SCHIP1: variants seen among roughly 807,000 people sequenced by gnomAD.
SCHIP1 encodes schwannomin-interacting protein 1.
SCHIP1 carries 8 observed loss-of-function variants against 29.7 expected under a neutral mutation model. The ratio of observed to expected loss-of-function variants is 0.27; its 90% confidence interval spans 0.16 to 0.49. The LOEUF (loss-of-function observed/expected upper bound fraction) is 0.49. Among genes scored for constraint, SCHIP1 ranks in the 20% least tolerant of loss-of-function variants. The probability of loss-of-function intolerance (pLI) is 0.99; values close to 1 mark genes in which losing one functional copy is unlikely to be tolerated. For missense variants in SCHIP1, 193 were observed against 294.6 expected, an observed-to-expected ratio of 0.66 and a Z score of 2.52; for synonymous variants, 76 against 94.9, an observed-to-expected ratio of 0.80 and a Z score of 1.16.
chr3:159,325,167 C>A, the SCHIP1 span, among the ~76,000 whole-genome samples: 1 of 152,082 alleles, frequency 6.6e-6, no homozygotes. Flanking sequence ...TTATCCGAGA[C>A]CTTATCCTCA....
the SCHIP1 span, among the ~76,000 whole-genome samples, chr3:159,655,934 G>A: frequency 6.6e-6 from 1 of 152,144 alleles, no homozygotes; most frequent in East Asian, 1.9e-4. Context: ...CATTAGAGTG[G>A]GTGCTTTGAC....
At chr3:159,615,674 G>T in the SCHIP1 span, among the ~76,000 whole-genome samples, 3 of 152,166 alleles carry the variant, frequency 2.0e-5, no homozygotes, top group Admixed American at 6.5e-5. Flanking sequence ...TGGTGTGGGG[G>T]TGAAGAGGAA....
At chr3:159,343,892 G>T in the SCHIP1 span, among the ~76,000 whole-genome samples, 1 of 152,044 alleles carries the variant, frequency 6.6e-6, no homozygotes, top group Non-Finnish European at 1.5e-5. Flanking sequence ...TAGTGTTTCT[G>T]TTTTTATGGA....
At chr3:159,538,622 T>C in the SCHIP1 span, among the ~76,000 whole-genome samples, 2 of 152,080 alleles carry the variant, frequency 1.3e-5, no homozygotes, top group Non-Finnish European at 2.9e-5. Context: ...CATAAAAAGA[T>C]AAAAGGAGCA....
chr3:159,619,027 A>G, the SCHIP1 span, among the ~76,000 whole-genome samples: 1 of 152,216 alleles, frequency 6.6e-6, no homozygotes, highest in African/African-American at 2.4e-5. Flanking sequence ...TTCCAATAAA[A>G]TATGTATGTA....
At chr3:159,764,970 G>A in the SCHIP1 span, 3 of 1,490,914 alleles carry the variant, frequency 2.0e-6, no homozygotes, top group African/African-American at 2.9e-5. This position sits in a 1 kb window ranked among gnomAD's most constrained non-coding sequence, Gnocchi z 6.1. Flanking sequence ...GCCGCGGCCC[G>A]GCGGCTGGGG....
At chr3:159,405,800 T>C in the SCHIP1 span, among the ~76,000 whole-genome samples, 1 of 151,452 alleles carries the variant, frequency 6.6e-6, no homozygotes, top group Non-Finnish European at 1.5e-5. Flanking sequence ...GGAGAATCAC[T>C]TGAACCCAGT....
At chr3:159,667,631 T>C in the SCHIP1 span, among the ~76,000 whole-genome samples, 3 of 151,878 alleles carry the variant, frequency 2.0e-5, no homozygotes, top group African/African-American at 7.3e-5. Flanking sequence ...AAGGAAAGAG[T>C]GTTTGGAACA....
chr3:159,425,383 G>T, the SCHIP1 span, among the ~76,000 whole-genome samples: 2 of 150,050 alleles, frequency 1.3e-5, no homozygotes, highest in African/African-American at 4.9e-5. Flanking sequence ...AAAGGCAGGG[G>T]TTGCAATCCT....
chr3:159,884,593 A>G (rs1166378939), intron 2 of SCHIP1, among the ~76,000 whole-genome samples: 1 of 152,084 alleles, frequency 6.6e-6, no homozygotes, highest in African/African-American at 2.4e-5. Flanking sequence ...TTTTGTTTAG[A>G]CTTTCAGTAA....
chr3:159,465,509 A>G, the SCHIP1 span, among the ~76,000 whole-genome samples: 1 of 152,222 alleles, frequency 6.6e-6, no homozygotes, highest in South Asian at 2.1e-4. Context: ...GGATTAAATG[A>G]TATGTTCTAG....
chr3:159,573,590 G>A, the SCHIP1 span, among the ~76,000 whole-genome samples: 1 of 151,972 alleles, frequency 6.6e-6, no homozygotes, highest in African/African-American at 2.4e-5. Context: ...ATGTGTCTTG[G>A]GGTTGCTCTT....
At chr3:159,465,348 CGTGT>C in the SCHIP1 span, among the ~76,000 whole-genome samples, 18 of 145,306 alleles carry the variant, frequency 1.2e-4, no homozygotes, top group Admixed American at 3.4e-4. Context: ...TGTTTGTGTG[CGTGT>C]GTGTGTGTGT....
the SCHIP1 span, among the ~76,000 whole-genome samples, chr3:159,527,355 G>T: frequency 6.6e-6 from 1 of 152,168 alleles, no homozygotes; most frequent in African/African-American, 2.4e-5. Flanking sequence ...CAAATGTGTA[G>T]TTATTCCCTT....
chr3:159,619,781 AT>A, the SCHIP1 span, among the ~76,000 whole-genome samples: 4 of 152,110 alleles, frequency 2.6e-5, no homozygotes, highest in African/African-American at 9.7e-5. Context: ...TTCTAGTTTT[AT>A]TTGGCCTAGA....
At chr3:159,833,698 TCTAC>T in the SCHIP1 span, among the ~76,000 whole-genome samples, 1 of 152,158 alleles carries the variant, frequency 6.6e-6, no homozygotes, top group Non-Finnish European at 1.5e-5. Context: ...ACCCCTAAAT[TCTAC>T]CTGTCAGCCT....
At chr3:159,637,387 A>G in the SCHIP1 span, among the ~76,000 whole-genome samples, 1 of 149,470 alleles carries the variant, frequency 6.7e-6, no homozygotes, top group Non-Finnish European at 1.5e-5. Flanking sequence ...ACACACACAC[A>G]CACACACACA....
chr3:159,390,588 G>A, the SCHIP1 span, among the ~76,000 whole-genome samples: 1 of 151,990 alleles, frequency 6.6e-6, no homozygotes, highest in Non-Finnish European at 1.5e-5. Flanking sequence ...ACAAACCTCA[G>A]CTTCTGTGAA....
chr3:159,762,620 C>T, the SCHIP1 span, among the ~76,000 whole-genome samples: 2 of 152,224 alleles, frequency 1.3e-5, no homozygotes, highest in South Asian at 2.1e-4. Context: ...ATATTTTTCA[C>T]AATCACCACA....
Sources: gnomAD v4.1 joint callset for allele counts (sites outside exome capture counted in the v4.1 genomes callset) on GRCh38, gnomAD v4.1.1 for gene constraint, Gnocchi (gnomAD v3.1) non-coding constraint, MANE v1.5 for transcripts, NCBI Gene and HGNC (gene_info 2026-07-23, HGNC 2026-07-21) for gene names.